The following RBFOX1 variants were observed in gnomAD, a reference collection of about 807,000 sequenced individuals.
The protein encoded by RBFOX1 is RNA binding protein fox-1 homolog 1.
A neutral mutation model predicts 57.7 loss-of-function variants in RBFOX1; 8 were observed. The ratio of observed to expected loss-of-function variants is 0.14; its 90% CI spans 0.08 to 0.25. RBFOX1 has a LOEUF of 0.25. RBFOX1 is among the 10% of genes least tolerant of loss of function. The pLI is 1.00. For missense variants in RBFOX1, 611 were observed against 548.5 expected (o/e 1.11, Z -1.14); for synonymous variants, 326 against 222.4 (o/e 1.47, Z -4.15).
chr16:5,589,183 T>C (rs2046928316), intron 2 of RBFOX1, among the ~76,000 whole-genome samples: 1 of 152,156 alleles, frequency 6.6e-6, no homozygotes, highest in Non-Finnish European at 1.5e-5. Context: ...TGTTGGCCCC[T>C]ATCTGCACTT....
chr16:6,869,923 T>A (rs780886684), intron 3 of RBFOX1, among the ~76,000 whole-genome samples: 1 of 152,194 alleles, frequency 6.6e-6, no homozygotes, highest in Admixed American at 6.5e-5. Context: ...AAATTACTTA[T>A]ATCATCTCAG....
chr16:7,408,848 G>A (rs188066969), intron 4 of RBFOX1, among the ~76,000 whole-genome samples: 19 of 151,350 alleles, frequency 1.3e-4, no homozygotes, highest in Admixed American at 6.5e-4. Flanking sequence ...AGGCATGGGG[G>A]CAGGGGGGTG....
chr16:7,307,578 C>T (rs577251339), intron 4 of RBFOX1, among the ~76,000 whole-genome samples: 10 of 152,290 alleles, frequency 6.6e-5, no homozygotes, highest in South Asian at 2.1e-4. Flanking sequence ...CTTACAGCTA[C>T]GATTTCTTTT....
At chr16:6,213,737 T>G (rs2097313341) in intron 1 of RBFOX1, among the ~76,000 whole-genome samples, 1 of 152,210 alleles carries the variant, frequency 6.6e-6, no homozygotes, top group African/African-American at 2.4e-5. Flanking sequence ...CCAACTTGTA[T>G]CCCTCTCCAT....
At chr16:5,463,539 TC>T (rs2068856571) in intron 1 of RBFOX1, among the ~76,000 whole-genome samples, 1 of 152,092 alleles carries the variant, frequency 6.6e-6, no homozygotes, top group African/African-American at 2.4e-5. Flanking sequence ...GTGGGTCGTG[TC>T]TGTAATTCCA....
At chr16:6,075,741 C>A (rs1197039744) in intron 1 of RBFOX1, among the ~76,000 whole-genome samples, 1 of 152,184 alleles carries the variant, frequency 6.6e-6, no homozygotes, top group East Asian at 1.9e-4. Context: ...AAATCAAAGT[C>A]CCAGAAGGAA....
chr16:6,559,372 G>A (rs1029964144), intron 2 of RBFOX1, among the ~76,000 whole-genome samples: 2 of 151,790 alleles, frequency 1.3e-5, no homozygotes, highest in Non-Finnish European at 1.5e-5. Flanking sequence ...ACACACACAC[G>A]TATGTATACA....
chr16:7,063,355 A>C (rs1310149184), intron 4 of RBFOX1, among the ~76,000 whole-genome samples: 1 of 152,090 alleles, frequency 6.6e-6, no homozygotes, highest in Non-Finnish European at 1.5e-5. Context: ...TCAGTATCAA[A>C]GATATATCAG....
chr16:7,372,803 A>G (rs545887204), intron 4 of RBFOX1, among the ~76,000 whole-genome samples: 17 of 152,220 alleles, frequency 1.1e-4, no homozygotes, highest in African/African-American at 4.1e-4. Context: ...GAAGGAGGAA[A>G]AGAGAAGAGC....
chr16:6,787,935 C>T, intron 3 of RBFOX1, among the ~76,000 whole-genome samples: 1 of 152,102 alleles, frequency 6.6e-6, no homozygotes, highest in Non-Finnish European at 1.5e-5. Context: ...GGTGAAAGGC[C>T]AATGAGGCCG....
At chr16:6,395,485 C>A (rs947574172) in intron 2 of RBFOX1, among the ~76,000 whole-genome samples, 3 of 151,958 alleles carry the variant, frequency 2.0e-5, no homozygotes, top group Non-Finnish European at 4.4e-5. Context: ...GTTGTTTTGA[C>A]CTTTTTCTCA....
intron 12 of RBFOX1, among the ~76,000 whole-genome samples, chr16:7,662,363 A>G (rs2067983279): frequency 6.6e-6 from 1 of 152,216 alleles, no homozygotes; most frequent in Non-Finnish European, 1.5e-5. Flanking sequence ...ACAGCCACTG[A>G]TACTGAATAG....
intron 1 of RBFOX1, among the ~76,000 whole-genome samples, chr16:6,225,019 CAAAAAAAAAAAA>C (rs59261521): frequency 1.3e-5 from 1 of 76,064 alleles, no homozygotes; most frequent in African/African-American, 4.6e-5. Flanking sequence ...AACTCCATCT[CAAAAAAAAAAAA>C]AAAAAAAAAA....
intron 3 of RBFOX1, among the ~76,000 whole-genome samples, chr16:6,814,331 C>T (rs2089546232): frequency 6.6e-6 from 1 of 152,090 alleles, no homozygotes; most frequent in Admixed American, 6.5e-5. Flanking sequence ...TTGATTAAGA[C>T]ATAGCTCCTG....
At position 6,566,126 on chromosome 16, in the gene RBFOX1, A is replaced by T. The variant is rs556484932; in HGVS notation, c.-63-88477A>T. On this transcript the variant is annotated intron_variant, in intron 2 of 15. Transcript: ENST00000550418. The stretch of plus-strand genomic sequence containing the variant: ...ATGTGTGTCATCACTGTTCAAATTT[A>T]TTAGCTAAAACAAGACATTCAGCTA... 2.6e-5 allele frequency among the ~76,000 whole-genome samples: 4 copies of T among 152,212 alleles called. No individual in the cohort carries two copies. In the South Asian group the frequency reaches 8.3e-4, roughly 32 times the overall value.
At chr16:5,801,240 G>C (rs2055045084) in intron 3 of RBFOX1, among the ~76,000 whole-genome samples, 1 of 151,794 alleles carries the variant, frequency 6.6e-6, no homozygotes, top group African/African-American at 2.4e-5. Flanking sequence ...CAATTAAAAA[G>C]TACTGAAATA....
At chr16:5,999,672 T>C (rs944873140) in intron 4 of RBFOX1, among the ~76,000 whole-genome samples, 2 of 151,746 alleles carry the variant, frequency 1.3e-5, no homozygotes, top group Admixed American at 1.3e-4. Flanking sequence ...CCATTCTGGC[T>C]AACACGGTGA....
chr16:6,890,844 C>G (rs907021074), intron 3 of RBFOX1, among the ~76,000 whole-genome samples: 3 of 152,158 alleles, frequency 2.0e-5, no homozygotes, highest in African/African-American at 4.8e-5. Flanking sequence ...GAAAATAGCA[C>G]TTAGCAGACT....
intron 4 of RBFOX1, among the ~76,000 whole-genome samples, chr16:7,103,928 A>G (rs757105399): frequency 1.3e-5 from 2 of 152,196 alleles, no homozygotes; most frequent in Non-Finnish European, 2.9e-5. Context: ...TCTTTCAAAC[A>G]TCCATGGACA....
Sources: gnomAD v4.1 joint callset for allele counts (sites outside exome capture counted in the v4.1 genomes callset) on GRCh38, gnomAD v4.1.1 for gene constraint, MANE v1.5 for transcripts, NCBI Gene and HGNC (gene_info 2026-07-23, HGNC 2026-07-21) for gene names.